Variants in IGSF10 observed in about 807,000 individuals in gnomAD.
The protein encoded by IGSF10 is immunoglobulin superfamily member 10.
In IGSF10, 126 loss-of-function variants were observed where a neutral mutation model predicts 128.2. The observed-to-expected ratio is 0.98, with a 90% confidence interval of 0.85 to 1.14. IGSF10 has a LOEUF of 1.14. Ranked by LOEUF, IGSF10 falls within the 50% of genes most tolerant of loss-of-function variation. The probability of loss-of-function intolerance (pLI) is 0.00; values close to 1 mark genes in which losing one functional copy is unlikely to be tolerated. For missense variants in IGSF10, 3,295 were observed against 3,149.8 expected, an observed-to-expected ratio of 1.05 and a Z score of -1.10; for synonymous variants, 1,185 against 1,146.2, an observed-to-expected ratio of 1.03 and a Z score of -0.68.
chr3:151,594,352 T>A, the IGSF10 span, among the ~76,000 whole-genome samples: 1 of 149,684 alleles, frequency 6.7e-6, no homozygotes, highest in Non-Finnish European at 1.5e-5. Context: ...TTTTTTTTTT[T>A]AGACGGAGTC....
chr3:151,528,804 T>A, the IGSF10 span, among the ~76,000 whole-genome samples: 6 of 42,064 alleles, frequency 1.4e-4, no homozygotes, highest in African/African-American at 8.9e-4. Flanking sequence ...GCAGGAGTTT[T>A]TTTTTTTTTT....
the IGSF10 span, among the ~76,000 whole-genome samples, chr3:151,571,562 A>T: frequency 3.3e-5 from 5 of 152,098 alleles, no homozygotes; most frequent in African/African-American, 1.2e-4. Flanking sequence ...ATTTTTGCAC[A>T]TTGATTTTGT....
the IGSF10 span, among the ~76,000 whole-genome samples, chr3:151,583,879 C>T: frequency 6.6e-6 from 1 of 151,842 alleles, no homozygotes; most frequent in Admixed American, 6.6e-5. Context: ...ACTTTTTGGC[C>T]CAACATATGG....
rs1404911716 is a variant in IGSF10 at position 151,447,758 on chromosome 3, C to T, written c.2223G>A (p.Arg741=). 1.9e-6 allele frequency: 3 copies of T among 1,614,098 alleles called. No individual in the cohort carries two copies. The highest frequency in any genetic ancestry group is 1.1e-5 in the South Asian group (1 of 91,066). ...DSTHRRFREN[R]RHFPPSARRI... is the part of the protein sequence containing the mutation. ...TCCTAGCAGAGGGAGGGAAATGCCT[C>T]CTATTCTCCCTAAAACGTCGATGTG... Residue 741 remains arginine (R), a synonymous_variant, in exon 6 of 8, where the codon AGG becomes AGA. Transcript: ENST00000282466.
chr3:151,528,254 C>A, the IGSF10 span, among the ~76,000 whole-genome samples: 1 of 152,090 alleles, frequency 6.6e-6, no homozygotes, highest in Non-Finnish European at 1.5e-5. Context: ...GTTATTCATT[C>A]TTTTTGTTGT....
the IGSF10 span, among the ~76,000 whole-genome samples, chr3:151,561,652 C>A: frequency 6.6e-6 from 1 of 152,022 alleles, no homozygotes; most frequent in Admixed American, 6.6e-5. Context: ...GGAACGTCCT[C>A]TAAGATATCC....
the IGSF10 span, among the ~76,000 whole-genome samples, chr3:151,468,041 C>T: frequency 6.6e-6 from 1 of 152,168 alleles, no homozygotes; most frequent in Non-Finnish European, 1.5e-5. Context: ...TTACAGAACT[C>T]GCTTAGAGAC....
chr3:151,434,663 C>T (rs369790905), downstream of IGSF10: 9 of 152,246 alleles, frequency 5.9e-5, no homozygotes, highest in East Asian at 3.9e-4. Flanking sequence ...GCAAATCAAC[C>T]GAAATGTGAA....
chr3:151,461,236 A>C (rs537915316), upstream of IGSF10: 9 of 985,306 alleles, frequency 9.1e-6, no homozygotes, highest in South Asian at 3.8e-4. Context: ...TCTCCTAGCA[A>C]GTTGGCAGGT....
rs749047147 is a variant in IGSF10, at chr3:151,453,461, C to T, written c.638G>A (p.Ser213Asn). ...CCATGGGTTTCCATGCAGGTAAAGG[C>T]TGTCTAGGTCAGGCATATAGGAGAC... ...EMVSYMPDLDSLYLHGNPWTC... is the reference protein window; with the variant it reads ...EMVSYMPDLDNLYLHGNPWTC... The change falls in exon 5 of 8, where the codon AGC becomes AAC. Residue 213 changes from serine to asparagine, a missense_variant. Ser to Asn is a conservative substitution (Grantham distance 46). Coordinates refer to ENST00000282466, the MANE Select transcript of IGSF10 (RefSeq NM_178822.5). The T allele has an allele frequency of 2.5e-6, 4 of 1,613,834 alleles. No individual in the cohort carries two copies. Among genetic ancestry groups the T allele is most frequent in the African/African-American group, 1.3e-5 (1 of 74,890 alleles).
Position 151,446,284 on chromosome 3 carries a change from C to G in IGSF10, c.3697G>C (p.Val1233Leu). 1 of 1,614,074 alleles carries G rather than the reference C, an allele frequency of 6.2e-7. No homozygotes were observed. The highest frequency in any genetic ancestry group is 8.5e-7 in the Non-Finnish European group (1 of 1,179,922). ...HKVSLQKSTA[V>L]MLPKTSPALP... ...GCAGGAGATGTTTTAGGAAGCATCACAGCTGTGCTTTTTTGTAAACTAACT... is the reference window on the plus strand; with the variant it reads ...GCAGGAGATGTTTTAGGAAGCATCAGAGCTGTGCTTTTTTGTAAACTAACT... The change falls in exon 6 of 8, where the codon GTG (valine) becomes CTG (leucine). Residue 1233 changes from valine (V) to leucine (L), a missense_variant. Val to Leu is a conservative substitution (Grantham distance 32). Transcript: ENST00000282466.
At chr3:151,533,345 C>T in the IGSF10 span, among the ~76,000 whole-genome samples, 2 of 152,142 alleles carry the variant, frequency 1.3e-5, no homozygotes, top group African/African-American at 4.8e-5. Context: ...AAAGAGCCCA[C>T]ATAGCCAAGA....
intron 5 of IGSF10, among the ~76,000 whole-genome samples, chr3:151,450,094 C>CA (rs1436780662): frequency 1.2e-4 from 18 of 152,196 alleles, no homozygotes; most frequent in Non-Finnish European, 2.1e-4. Flanking sequence ...TCAGAGGTTG[C>CA]AAGTCTTACA....
the IGSF10 span, among the ~76,000 whole-genome samples, chr3:151,546,237 T>A: frequency 6.6e-6 from 1 of 152,040 alleles, no homozygotes; most frequent in African/African-American, 2.4e-5. Context: ...AGCGAGACTA[T>A]TATGAAAACC....
At chr3:151,538,807 G>A in the IGSF10 span, among the ~76,000 whole-genome samples, 1 of 152,154 alleles carries the variant, frequency 6.6e-6, no homozygotes, top group African/African-American at 2.4e-5. Context: ...CATAAAGAAT[G>A]TAAGTTAAAT....
the IGSF10 span, among the ~76,000 whole-genome samples, chr3:151,611,132 G>A: frequency 2.6e-5 from 4 of 152,018 alleles, no homozygotes; most frequent in African/African-American, 9.7e-5. Flanking sequence ...AATCAAGTTG[G>A]GAAGAAACAA....
the IGSF10 span, among the ~76,000 whole-genome samples, chr3:151,523,531 G>A: frequency 6.6e-6 from 1 of 152,090 alleles, no homozygotes; most frequent in African/African-American, 2.4e-5. Context: ...ATGACCATTT[G>A]ATCTTCGACA....
At position 151,442,793 on chromosome 3, in the gene IGSF10, T is replaced by C. The variant is rs4435614; in HGVS notation, c.5963+191A>G. 2.0e-3 allele frequency among the ~76,000 whole-genome samples: 302 copies of C among 152,090 alleles called. 2 individuals are homozygous for C. The highest frequency in any genetic ancestry group is 6.8e-3 in the African/African-American group (283 of 41,456). ...AGAAGTTGACCCTTTGAGTTAAGCA[T>C]GTGAAAAGAATGGTTTTTGTATTCA... is the stretch of plus-strand genomic sequence containing the variant. On this transcript the variant is annotated intron_variant, in intron 7 of 7. Transcript: ENST00000282466.
the IGSF10 span, among the ~76,000 whole-genome samples, chr3:151,589,902 T>G: frequency 6.6e-6 from 1 of 152,200 alleles, no homozygotes; most frequent in Non-Finnish European, 1.5e-5. Flanking sequence ...TATGATGTGT[T>G]TTTTAGAATG....
Sources: gnomAD v4.1 joint callset for allele counts (sites outside exome capture counted in the v4.1 genomes callset) on GRCh38, gnomAD v4.1.1 for gene constraint, MANE v1.5 for transcripts, NCBI Gene and HGNC (gene_info 2026-07-23, HGNC 2026-07-21) for gene names.